STK3: variants seen among roughly 807,000 people sequenced by gnomAD.
STK3 encodes the protein serine/threonine kinase 3.
In STK3, 41 loss-of-function variants were observed where a neutral mutation model predicts 58.0. The ratio of observed to expected loss-of-function variants is 0.71; its 90% confidence interval spans 0.55 to 0.92. The LOEUF (loss-of-function observed/expected upper bound fraction) is 0.92, where lower values mean the gene tolerates loss of function less well. Ranked by LOEUF, STK3 falls within the 40% of genes least tolerant of loss-of-function variation. The pLI is 0.00. For synonymous variants in STK3, 170 were observed against 191.0 expected (o/e 0.89, Z 0.91); for missense variants, 479 against 602.7 (o/e 0.79, Z 2.15).
chr8:98,816,213 C>T lies in STK3; in HGVS notation c.26+9302G>A, dbSNP rs963874885. Among the ~76,000 whole-genome samples the T allele has an allele frequency of 3.3e-5, 5 of 152,202 alleles. No individual in the cohort carries two copies. In the South Asian group the frequency reaches 8.3e-4, roughly 25 times the overall value. On this transcript the variant is annotated intron_variant, in intron 1 of 10. Transcript: ENST00000419617. ...CTAAACTAAAGATTAAAAGTGACAA[C>T]TCATATCAAAACTGCTTTTTGGGCT...
chr8:98,482,563 G>A lies in STK3; in HGVS notation c.1318-26563C>T, dbSNP rs531246144. Among the ~76,000 whole-genome samples, 17 of 152,220 alleles carry A rather than the reference G, an allele frequency of 1.1e-4. No individual in the cohort carries two copies. In the South Asian group the frequency reaches 3.1e-3, roughly 28 times the overall value. On this transcript the variant is annotated intron_variant, in intron 10 of 10. Coordinates refer to ENST00000419617, the MANE Select transcript of STK3 (RefSeq NM_006281.4). ...GATGACCCTCAGAAGTTGTCTCGAC[G>A]TTTGCTCAGCAGTGATTTGATTCAA...
At chr8:98,856,177 A>AG (rs1185715481) in intron 3 of STK3, among the ~76,000 whole-genome samples, 4 of 143,534 alleles carry the variant, frequency 2.8e-5, no homozygotes, top group African/African-American at 1.0e-4. Flanking sequence ...AAAAAAAAAA[A>AG]GGCCATGCAG....
intron 4 of STK3, among the ~76,000 whole-genome samples, chr8:98,735,138 A>G (rs1828481349): frequency 6.6e-6 from 1 of 152,298 alleles, no homozygotes. Context: ...ATCCACAAAA[A>G]TATAACACTG....
intron 4 of STK3, among the ~76,000 whole-genome samples, chr8:98,734,190 G>C (rs370800378): frequency 2.0e-5 from 3 of 152,068 alleles, no homozygotes; most frequent in Admixed American, 1.3e-4. Context: ...GTCCCTCCCC[G>C]AACACTGGGG....
At chr8:98,464,289 C>T (rs1820249846) in intron 10 of STK3, among the ~76,000 whole-genome samples, 1 of 152,076 alleles carries the variant, frequency 6.6e-6, no homozygotes, top group Non-Finnish European at 1.5e-5. Flanking sequence ...CCTGGAGCAA[C>T]ATACTCTTTT....
chr8:98,387,625 G>A (rs961958186), intron 1 of STK3, among the ~76,000 whole-genome samples: 8 of 152,176 alleles, frequency 5.3e-5, no homozygotes, highest in Non-Finnish European at 8.8e-5. Context: ...GTGCATGCCT[G>A]TAATCCCAGC....
intron 7 of STK3, among the ~76,000 whole-genome samples, chr8:98,590,955 T>C (rs1815258975): frequency 6.6e-6 from 1 of 152,258 alleles, no homozygotes; most frequent in Admixed American, 6.5e-5. Context: ...TCTTGTTTTT[T>C]CTGCATTCTT....
chr8:98,940,506 C>T (rs1840370578), intron 1 of STK3, among the ~76,000 whole-genome samples: 1 of 152,202 alleles, frequency 6.6e-6, no homozygotes, highest in Non-Finnish European at 1.5e-5. Flanking sequence ...AGGCTGGTGG[C>T]CGGAAGGGTG....
intron 9 of STK3, among the ~76,000 whole-genome samples, chr8:98,536,839 C>A (rs904412276): frequency 6.6e-6 from 1 of 152,210 alleles, no homozygotes; most frequent in Non-Finnish European, 1.5e-5. Flanking sequence ...GCAGAAGGAG[C>A]AGCAATCTGC....
intron 3 of STK3, among the ~76,000 whole-genome samples, chr8:98,854,282 G>A (rs1331755012): frequency 6.6e-6 from 1 of 152,092 alleles, no homozygotes; most frequent in East Asian, 1.9e-4. Context: ...GGGATTACAG[G>A]TGCCCACCAC....
chr8:98,658,212 T>C (rs1323444407), intron 6 of STK3, among the ~76,000 whole-genome samples: 5 of 152,024 alleles, frequency 3.3e-5, no homozygotes, highest in Non-Finnish European at 5.9e-5. Context: ...ATAGGATATA[T>C]GGTAAATCCA....
chr8:98,627,537 G>A (rs927181515), intron 6 of STK3, among the ~76,000 whole-genome samples: 4 of 149,850 alleles, frequency 2.7e-5, no homozygotes, highest in Non-Finnish European at 5.9e-5. Flanking sequence ...AAAAGAGCCT[G>A]AGACTCCTCC....
chr8:98,411,809 T>C (rs1023632817), intron 3 of STK3, among the ~76,000 whole-genome samples: 2 of 152,234 alleles, frequency 1.3e-5, no homozygotes, highest in African/African-American at 2.4e-5. Flanking sequence ...AGGCTGGATC[T>C]GAAGTGTTCC....
At chr8:98,449,981 C>G (rs946558709), downstream of STK3, among the ~76,000 whole-genome samples, 1 of 152,164 alleles carries the variant, frequency 6.6e-6, no homozygotes. Context: ...TGGTTCTTGA[C>G]GTTCCCAGCC....
At chr8:98,519,161 G>T (rs778082107) in intron 10 of STK3, among the ~76,000 whole-genome samples, 1 of 152,110 alleles carries the variant, frequency 6.6e-6, no homozygotes, top group African/African-American at 2.4e-5. Context: ...GGACTGTAGA[G>T]AACAAGCAGT....
chr8:98,591,174 T>A (rs900996375), intron 7 of STK3, among the ~76,000 whole-genome samples: 2 of 152,208 alleles, frequency 1.3e-5, no homozygotes, highest in Non-Finnish European at 2.9e-5. Context: ...TACAATACTC[T>A]CTTCTGATGC....
upstream of STK3, among the ~76,000 whole-genome samples, chr8:98,830,144 C>A (rs904071724): frequency 6.6e-6 from 1 of 152,076 alleles, no homozygotes. Flanking sequence ...CAGGAGAATG[C>A]GTGAACCTGG....
intron 4 of STK3, among the ~76,000 whole-genome samples, chr8:98,747,125 C>T (rs545140132): frequency 6.7e-6 from 1 of 148,714 alleles, no homozygotes; most frequent in Admixed American, 6.7e-5. Context: ...TCATCATACC[C>T]ACCACACATA....
At chr8:98,556,013 C>T (rs1811560045) in intron 8 of STK3, among the ~76,000 whole-genome samples, 4 of 152,000 alleles carry the variant, frequency 2.6e-5, no homozygotes, top group Admixed American at 2.6e-4. Context: ...TGAAAGTCTA[C>T]ATCCTCAGCA....
Sources: allele counts gnomAD v4.1 joint callset (sites outside exome capture counted in the v4.1 genomes callset), GRCh38; gene constraint gnomAD v4.1.1; transcripts MANE v1.5; gene names NCBI Gene and HGNC (gene_info 2026-07-23, HGNC 2026-07-21).